The following PPP2R5C variants were observed in gnomAD, a reference collection of about 807,000 sequenced individuals.
PPP2R5C encodes the protein protein phosphatase 2 regulatory subunit B'gamma, also known as serine/threonine-protein phosphatase 2A 56 kDa regulatory subunit gamma isoform.
In PPP2R5C, 7 loss-of-function variants were observed where a neutral mutation model predicts 68.9. That is an observed-to-expected ratio of 0.10 (90% CI 0.06 to 0.19). The LOEUF (loss-of-function observed/expected upper bound fraction) is 0.19. Ranked by LOEUF, PPP2R5C falls within the 10% of genes least tolerant of loss-of-function variation. The pLI, the probability that PPP2R5C is intolerant of heterozygous loss-of-function variation, is 1.00. For synonymous variants in PPP2R5C, 210 were observed against 222.2 expected, an observed-to-expected ratio of 0.95 and a Z score of 0.49; for missense variants, 348 against 641.3, an observed-to-expected ratio of 0.54 and a Z score of 4.94.
At position 101,916,907 on chromosome 14, in the gene PPP2R5C, C is replaced by G. The variant is rs1223598153; in HGVS notation, c.1327-924C>G. ...GCCCTGAGCAAGTTCCCCAGCCCCT[C>G]CATGTCCCAGTTCCCCCATCAGCCA... On this transcript the variant is annotated intron_variant, in intron 12 of 13. Coordinates refer to ENST00000334743, the Ensembl canonical transcript of PPP2R5C. This position sits in a 1 kb window ranked among gnomAD's most constrained non-coding sequence, Gnocchi z 5.5. Among the ~76,000 whole-genome samples, 1 of 152,106 alleles carries G rather than the reference C, an allele frequency of 6.6e-6. No homozygotes were observed. Among genetic ancestry groups the G allele is most frequent in the Admixed American group, 6.5e-5 (1 of 15,278 alleles).
intron 2 of PPP2R5C, among the ~76,000 whole-genome samples, chr14:101,764,003 T>TTGTGTGTG (rs3221573): frequency 8.0e-5 from 11 of 137,222 alleles, no homozygotes; most frequent in African/African-American, 1.9e-4. Flanking sequence ...ATTGTTCACA[T>TTGTGTGTG]TGTGTGTGTG....
chr14:101,890,035 A>G (rs896221593), intron 5 of PPP2R5C: 3 of 680,612 alleles, frequency 4.4e-6, no homozygotes, highest in South Asian at 3.0e-5. Context: ...TGCAAGACCA[A>G]GTTCTCTGCC....
chr14:101,838,570 A>G (rs996789713), intron 1 of PPP2R5C, among the ~76,000 whole-genome samples: 18 of 152,206 alleles, frequency 1.2e-4, no homozygotes, highest in Admixed American at 7.9e-4. Context: ...CTTTACCTTC[A>G]GGGCCCTGGC....
intron 3 of PPP2R5C, among the ~76,000 whole-genome samples, chr14:101,802,818 C>T (rs369469449): frequency 4.6e-5 from 7 of 152,058 alleles, no homozygotes; most frequent in South Asian, 2.1e-4. Flanking sequence ...CTTAAATAGA[C>T]GTTTCTCCAA....
chr14:101,762,562 A>T (rs1351412467), intron 1 of PPP2R5C, among the ~76,000 whole-genome samples: 1 of 151,708 alleles, frequency 6.6e-6, no homozygotes, highest in African/African-American at 2.4e-5. Context: ...TTTCATTATC[A>T]CCCCAGAAAT....
rs1487759230 is a variant in PPP2R5C, at chr14:101,913,300, A to G, written c.1326+827A>G. 6.6e-6 allele frequency among the ~76,000 whole-genome samples: 1 copy of G among 152,178 alleles called. No homozygotes were observed. Among genetic ancestry groups the G allele is most frequent in the Non-Finnish European group, 1.5e-5 (1 of 68,018 alleles). ...CAGAAAAGATTTTACCGAACAATGT[A>G]TTTCTTTTAGTGAGAGATATGCATA... is the stretch of plus-strand genomic sequence containing the variant. On this transcript the variant is annotated intron_variant, in intron 12 of 13. Transcript: ENST00000334743. This position sits in a 1 kb window ranked among gnomAD's most constrained non-coding sequence, Gnocchi z 4.1.
At chr14:101,837,468 C>G (rs1368482370) in intron 1 of PPP2R5C, among the ~76,000 whole-genome samples, 1 of 152,114 alleles carries the variant, frequency 6.6e-6, no homozygotes, top group Non-Finnish European at 1.5e-5. Context: ...AGTTTTTAAA[C>G]TTAATATATA....
intron 3 of PPP2R5C, among the ~76,000 whole-genome samples, chr14:101,802,307 G>A (rs1410777074): frequency 1.3e-5 from 2 of 152,154 alleles, no homozygotes; most frequent in African/African-American, 4.8e-5. Flanking sequence ...AGCCACTCGG[G>A]AGGCTGAGGC....
chr14:101,889,785 C>T (rs1051356043), intron 5 of PPP2R5C: 1 of 361,082 alleles, frequency 2.8e-6, no homozygotes, highest in Non-Finnish European at 5.4e-6. Flanking sequence ...AGGAACTGTG[C>T]TAAATATTGC....
rs1275079503 is a variant in PPP2R5C at position 101,822,617 on chromosome 14, A to G, written c.94+12581A>G. 2.6e-5 allele frequency among the ~76,000 whole-genome samples: 4 copies of G among 152,070 alleles called. No homozygotes were observed. The East Asian group carries it at 7.7e-4, about 29-fold the overall frequency. On this transcript the variant is annotated intron_variant, in intron 1 of 13. Transcript: ENST00000334743. ...CCGACTTCCTTCCCTTAAGAACCCC[A>G]TTCTTATTTTCTCATTTATATCCTG...
At chr14:101,809,580 G>C (rs1487690200), upstream of PPP2R5C, among the ~76,000 whole-genome samples, 1 of 91,478 alleles carries the variant, frequency 1.1e-5, no homozygotes, top group Non-Finnish European at 2.1e-5. Context: ...TTTTTTTTTG[G>C]TGGCTCCCTC....
rs2046249450 is a variant in PPP2R5C at position 101,909,177 on chromosome 14, C to G, written c.1152-412C>G. On this transcript the variant is annotated intron_variant, in intron 10 of 13. Transcript: ENST00000334743. ...TTTTCTCTTTCAAAGCTCTGTGTTG[C>G]CATTATTAAAATTAATTTTTCTGTC... Among the ~76,000 whole-genome samples, 5 of 152,122 alleles carry G rather than the reference C, an allele frequency of 3.3e-5. No individual in the cohort carries two copies. In the South Asian group the frequency reaches 1.0e-3, roughly 31 times the overall value.
chr14:101,824,153 G>A lies in PPP2R5C; in HGVS notation c.94+14117G>A, dbSNP rs2040257729. Reference sequence around the variant, plus strand: ...TCAAGCTGCATTTTAGACATAGCTGGCAAGAGTATTTTCGTGGTAAACGTA... The same window carrying A: ...TCAAGCTGCATTTTAGACATAGCTGACAAGAGTATTTTCGTGGTAAACGTA... On this transcript the variant is annotated intron_variant, in intron 1 of 13. Coordinates refer to ENST00000334743, the Ensembl canonical transcript of PPP2R5C. The A allele has an allele frequency of 1.6e-5, 20 of 1,278,996 alleles. No individual in the cohort carries two copies. The South Asian group carries it at 2.4e-4, about 15-fold the overall frequency. 79.2% of individuals were successfully genotyped at this position (1,278,996 alleles called of 1,614,324 possible). A position where few individuals can be genotyped will look rare whatever the true frequency, so the allele number is the denominator to read the frequency against.
Position 101,906,593 on chromosome 14 carries a change from T to G in PPP2R5C, c.1151+64T>G. ...AAAATATGGCACGTTTTACTGCTAC[T>G]TCAGTAAGAATAAATATCAGAATTT... On this transcript the variant is annotated intron_variant, in intron 10 of 13. Coordinates refer to ENST00000334743, the Ensembl canonical transcript of PPP2R5C. The surrounding 1 kb of genome is among the most constrained non-coding windows in gnomAD (Gnocchi z 4.0). 6.7e-7 allele frequency: 1 copy of G among 1,498,062 alleles called. No homozygotes were observed. The highest frequency in any genetic ancestry group is 9.0e-7 in the Non-Finnish European group (1 of 1,107,294). The allele number at this position is 1,498,062 out of a possible 1,614,324, so 92.8% of individuals were successfully genotyped here.
chr14:101,796,410 T>A (rs2038611216), intron 3 of PPP2R5C: 1 of 152,266 alleles, frequency 6.6e-6, no homozygotes, highest in Non-Finnish European at 1.5e-5. Context: ...ACACAGTCCC[T>A]GGATTGCTGA....
chr14:101,836,353 C>T (rs1047680223), intron 1 of PPP2R5C: 12 of 702,452 alleles, frequency 1.7e-5, no homozygotes, highest in Non-Finnish European at 3.1e-5. Context: ...ACCTGCCAGC[C>T]TTCTCCCCTG....
rs986708367 is a variant in PPP2R5C, at chr14:101,797,342, G to A, written c.259+11159G>A. 2.6e-5 allele frequency: 12 copies of A among 455,484 alleles called. No homozygotes were observed. The highest frequency in any genetic ancestry group is 9.4e-5 in the Admixed American group (4 of 42,510). The allele number at this position is 455,484 out of a possible 1,614,324, so 28.2% of individuals were successfully genotyped here. A position where few individuals can be genotyped will look rare whatever the true frequency, so the allele number is the denominator to read the frequency against. On this transcript the variant is annotated intron_variant, in intron 3 of 14. Transcript: ENST00000328724. This position sits in a 1 kb window ranked among gnomAD's most constrained non-coding sequence, Gnocchi z 4.2. Reference sequence around the variant, plus strand: ...GATGGACGCGTGGGTTGCAGAGCACGCCACACACATTCAGTCAGTACACGA... The same window carrying A: ...GATGGACGCGTGGGTTGCAGAGCACACCACACACATTCAGTCAGTACACGA...
At chr14:101,908,075 C>T (rs1424991584) in intron 10 of PPP2R5C, among the ~76,000 whole-genome samples, 2 of 152,222 alleles carry the variant, frequency 1.3e-5, no homozygotes, top group Non-Finnish European at 2.9e-5. Context: ...TTAGCTCTCA[C>T]CAGGTCTTTC....
At chr14:101,791,483 TAC>T (rs1196514915) in intron 3 of PPP2R5C, among the ~76,000 whole-genome samples, 1 of 152,216 alleles carries the variant, frequency 6.6e-6, no homozygotes, top group Non-Finnish European at 1.5e-5. Context: ...AAGTACAAAA[TAC>T]ACTGTGTATA....
Sources: gnomAD v4.1 joint callset for allele counts (sites outside exome capture counted in the v4.1 genomes callset) on GRCh38, gnomAD v4.1.1 for gene constraint, Gnocchi (gnomAD v3.1) non-coding constraint, MANE v1.5 for transcripts, NCBI Gene and HGNC (gene_info 2026-07-23, HGNC 2026-07-21) for gene names.